PITPNC1: variants seen among roughly 807,000 people sequenced by gnomAD.
PITPNC1 encodes the protein cytoplasmic phosphatidylinositol transfer protein 1.
PITPNC1 carries 18 observed loss-of-function variants against 44.7 expected under a neutral mutation model. That is an observed-to-expected ratio of 0.40 (90% CI 0.28 to 0.60). The LOEUF is 0.60. Ranked by LOEUF, PITPNC1 falls within the 20% of genes least tolerant of loss-of-function variation. PITPNC1 has a pLI of 0.39. For synonymous variants in PITPNC1, 141 were observed against 149.6 expected, an observed-to-expected ratio of 0.94 and a Z score of 0.42; for missense variants, 290 against 418.4, an observed-to-expected ratio of 0.69 and a Z score of 2.68.
chr17:67,419,465 C>T lies in PITPNC1; in HGVS notation c.48+41263C>T, dbSNP rs77607520. 6.2e-3 allele frequency among the ~76,000 whole-genome samples: 943 copies of T among 152,280 alleles called. 8 individuals are homozygous for T. Among genetic ancestry groups the T allele is most frequent in the African/African-American group, 0.022 (905 of 41,554 alleles). ...TGCTTCAAGTGTGGTGGGTTCAGTACCTCCTTTAATGTAAGAGCTGGCCCG... is the reference window on the plus strand; with the variant it reads ...TGCTTCAAGTGTGGTGGGTTCAGTATCTCCTTTAATGTAAGAGCTGGCCCG... On this transcript the variant is annotated intron_variant, in intron 1 of 8. Coordinates refer to ENST00000581322, the MANE Select transcript of PITPNC1 (RefSeq NM_012417.4).
intron 1 of PITPNC1, among the ~76,000 whole-genome samples, chr17:67,421,717 C>T (rs1008503143): frequency 6.6e-6 from 1 of 152,182 alleles, no homozygotes; most frequent in African/African-American, 2.4e-5. Context: ...TCCAGGAAGC[C>T]TCATTCTTGT....
At chr17:67,495,739 T>C (rs1022958683) in intron 1 of PITPNC1, among the ~76,000 whole-genome samples, 1 of 152,242 alleles carries the variant, frequency 6.6e-6, no homozygotes, top group African/African-American at 2.4e-5. Flanking sequence ...GGCTGTATAG[T>C]ATTCCATGAG....
At chr17:67,468,182 G>A (rs989293627) in intron 1 of PITPNC1, among the ~76,000 whole-genome samples, 3 of 152,164 alleles carry the variant, frequency 2.0e-5, no homozygotes, top group Non-Finnish European at 2.9e-5. Context: ...ATTTAGAGTC[G>A]TAGAAGTGTC....
At chr17:67,653,330 C>T (rs986160350) in intron 6 of PITPNC1, among the ~76,000 whole-genome samples, 1 of 151,942 alleles carries the variant, frequency 6.6e-6, no homozygotes, top group African/African-American at 2.4e-5. Context: ...AGAGGGAAGA[C>T]GATATGAAGA....
At chr17:67,586,242 A>G (rs1449935641) in intron 5 of PITPNC1, among the ~76,000 whole-genome samples, 1 of 152,166 alleles carries the variant, frequency 6.6e-6, no homozygotes, top group Non-Finnish European at 1.5e-5. Context: ...AGGAATAACA[A>G]GATACTGTTC....
intron 4 of PITPNC1, among the ~76,000 whole-genome samples, chr17:67,556,969 CA>C (rs1229648367): frequency 6.6e-6 from 1 of 152,154 alleles, no homozygotes; most frequent in Non-Finnish European, 1.5e-5. Context: ...GGAGGTTTCT[CA>C]GAGAAGGTCG....
At chr17:67,581,558 C>T (rs1247825686) in intron 5 of PITPNC1, among the ~76,000 whole-genome samples, 1 of 152,200 alleles carries the variant, frequency 6.6e-6, no homozygotes, top group Non-Finnish European at 1.5e-5. Context: ...TTGCCACCCC[C>T]TGCCCCCCAG....
chr17:67,414,659 C>T (rs1478860411), intron 1 of PITPNC1, among the ~76,000 whole-genome samples: 1 of 152,030 alleles, frequency 6.6e-6, no homozygotes, highest in Non-Finnish European at 1.5e-5. Flanking sequence ...ATATGGTGTG[C>T]AAAGCCAAAA....
At chr17:67,422,780 C>G (rs2038689984) in intron 1 of PITPNC1, among the ~76,000 whole-genome samples, 1 of 152,158 alleles carries the variant, frequency 6.6e-6, no homozygotes, top group South Asian at 2.1e-4. Context: ...CTCACGTGAT[C>G]TGCCCACCTC....
At chr17:67,515,828 C>T (rs894590307) in intron 1 of PITPNC1, among the ~76,000 whole-genome samples, 3 of 152,208 alleles carry the variant, frequency 2.0e-5, no homozygotes, top group South Asian at 2.1e-4. Context: ...AAGGCAGGGA[C>T]GTTCTGCTTT....
At chr17:67,654,933 A>G (rs1222372733) in intron 6 of PITPNC1, among the ~76,000 whole-genome samples, 1 of 151,978 alleles carries the variant, frequency 6.6e-6, no homozygotes, top group Non-Finnish European at 1.5e-5. Flanking sequence ...ACGCCTGGCC[A>G]GGAGTTCTTA....
intron 1 of PITPNC1, among the ~76,000 whole-genome samples, chr17:67,459,117 T>A (rs1313319995): frequency 7.2e-6 from 1 of 138,422 alleles, no homozygotes; most frequent in Non-Finnish European, 1.5e-5. Flanking sequence ...CTTTTTCTTT[T>A]TTTTTTTTTT....
chr17:67,671,649 A>T (rs2144404367), intron 7 of PITPNC1, among the ~76,000 whole-genome samples: 1 of 152,320 alleles, frequency 6.6e-6, no homozygotes, highest in Middle Eastern at 3.4e-3. Flanking sequence ...TGAACAGAGA[A>T]GCATGCCACT....
intron 1 of PITPNC1, among the ~76,000 whole-genome samples, chr17:67,402,497 C>T (rs1418409818): frequency 6.6e-6 from 1 of 152,026 alleles, no homozygotes; most frequent in Non-Finnish European, 1.5e-5. Flanking sequence ...TTCTCCACCC[C>T]CCATCCCCCG....
At chr17:67,605,445 G>A (rs555711750) in intron 5 of PITPNC1, among the ~76,000 whole-genome samples, 2 of 152,168 alleles carry the variant, frequency 1.3e-5, no homozygotes, top group South Asian at 2.1e-4. Flanking sequence ...AGCTTGCTCC[G>A]GCCTGTGGCG....
chr17:67,653,154 C>T (rs548768504), intron 6 of PITPNC1, among the ~76,000 whole-genome samples: 52 of 152,020 alleles, frequency 3.4e-4, no homozygotes, highest in Admixed American at 3.3e-4. Flanking sequence ...TGGTGGTGGG[C>T]GCCTGTAGTC....
rs2042963314 is a variant in PITPNC1 at position 67,693,466 on chromosome 17, T to G, written c.*578T>G. 6.6e-6 allele frequency: 1 copy of G among 152,640 alleles called. No individual in the cohort carries two copies. Among genetic ancestry groups the G allele is most frequent in the South Asian group, 2.1e-4 (1 of 4,826 alleles). The allele number at this position is 152,640 out of a possible 1,614,324, so 9.5% of individuals were successfully genotyped here. A position where few individuals can be genotyped will look rare whatever the true frequency, so the allele number is the denominator to read the frequency against. On this transcript the variant is annotated 3_prime_UTR_variant, in exon 9 of 9. Transcript: ENST00000581322. ...CAAGCTATAGAGGCTCCAAGTGCAATTAATAATAACTCATTTATACCTTCC... is the reference window on the plus strand; with the variant it reads ...CAAGCTATAGAGGCTCCAAGTGCAAGTAATAATAACTCATTTATACCTTCC...
chr17:67,621,010 A>T (rs1053101806), intron 5 of PITPNC1, among the ~76,000 whole-genome samples: 1 of 152,104 alleles, frequency 6.6e-6, no homozygotes, highest in South Asian at 2.1e-4. Flanking sequence ...TCTCTGGACC[A>T]CACTGCAGGC....
chr17:67,683,535 CAT>C (rs1447334419), intron 8 of PITPNC1, among the ~76,000 whole-genome samples: 23 of 152,302 alleles, frequency 1.5e-4, no homozygotes, highest in Non-Finnish European at 2.9e-4. Context: ...TTTAGACAAA[CAT>C]ATTTTCCTTC....
Sources: gnomAD v4.1 joint callset for allele counts (sites outside exome capture counted in the v4.1 genomes callset) on GRCh38, gnomAD v4.1.1 for gene constraint, MANE v1.5 for transcripts, NCBI Gene and HGNC (gene_info 2026-07-23, HGNC 2026-07-21) for gene names.